SERPINI1: variants seen among roughly 807,000 people sequenced by gnomAD.
SERPINI1 encodes neuroserpin.
A neutral mutation model predicts 41.1 loss-of-function variants in SERPINI1; 19 were observed. The ratio of observed to expected loss-of-function variants is 0.46; its 90% CI spans 0.32 to 0.68. The LOEUF is 0.68. SERPINI1 is among the 30% of genes least tolerant of loss of function. The pLI is 0.03. For missense variants in SERPINI1, 460 were observed against 479.2 expected (o/e 0.96, Z 0.37); for synonymous variants, 138 against 156.6 (o/e 0.88, Z 0.89).
chr3:167,772,323 C>T (rs1375240194), intron 1 of SERPINI1, among the ~76,000 whole-genome samples: 1 of 152,084 alleles, frequency 6.6e-6, no homozygotes, highest in East Asian at 1.9e-4. Flanking sequence ...ATGTTATTAA[C>T]AATTCTCTAG....
At chr3:167,793,603 A>G (rs1452340526) in intron 4 of SERPINI1, among the ~76,000 whole-genome samples, 1 of 86,002 alleles carries the variant, frequency 1.2e-5, no homozygotes, top group Non-Finnish European at 2.3e-5. Flanking sequence ...TATATTTTTA[A>G]TTAGCTAGGC....
intron 1 of SERPINI1, among the ~76,000 whole-genome samples, chr3:167,767,271 C>T (rs1394939113): frequency 6.6e-6 from 1 of 152,196 alleles, no homozygotes; most frequent in South Asian, 2.1e-4. Context: ...AATGACAGCA[C>T]ATCTGTTTTG....
intron 1 of SERPINI1, among the ~76,000 whole-genome samples, chr3:167,782,701 T>C (rs974287941): frequency 3.9e-5 from 6 of 152,052 alleles, no homozygotes; most frequent in Non-Finnish European, 8.8e-5. Context: ...GAGATAAAAA[T>C]TTGCCAAGAT....
rs148954134 is a variant in SERPINI1, at chr3:167,774,651, T to C, written c.-18-14460T>C. ...TGTCAGACCAGCAGCAGCATTAGATTCTCATAGGAGCCTAAACCCTATTGT... is the reference window on the plus strand; with the variant it reads ...TGTCAGACCAGCAGCAGCATTAGATCCTCATAGGAGCCTAAACCCTATTGT... On this transcript the variant is annotated intron_variant, in intron 1 of 8. Coordinates refer to ENST00000446050, the MANE Select transcript of SERPINI1 (RefSeq NM_001122752.2). 3.3e-5 allele frequency among the ~76,000 whole-genome samples: 5 copies of C among 152,218 alleles called. No individual in the cohort carries two copies. In the East Asian group the frequency reaches 9.7e-4, roughly 29 times the overall value.
intron 1 of SERPINI1, among the ~76,000 whole-genome samples, chr3:167,769,585 C>T (rs1311644724): frequency 2.0e-5 from 3 of 152,088 alleles, no homozygotes; most frequent in East Asian, 1.9e-4. Context: ...CATAAAATCC[C>T]AGCCCTAAAG....
chr3:167,763,583 A>G (rs1014058591), intron 1 of SERPINI1, among the ~76,000 whole-genome samples: 2 of 152,152 alleles, frequency 1.3e-5, no homozygotes, highest in African/African-American at 2.4e-5. Flanking sequence ...CAGTTCCAAC[A>G]TGTTGCTCAG....
chr3:167,790,234 T>C (rs1577419022), intron 2 of SERPINI1, 138 bp from the exon 3 acceptor site: 1 of 676,500 alleles, frequency 1.5e-6, no homozygotes, highest in Non-Finnish European at 2.7e-6. Context: ...ACCATATCAA[T>C]GTGGGGGAAA....
In SERPINI1 at chr3:167,789,099, G is replaced by T; in HGVS notation, c.-18-12G>T. On this transcript the variant is annotated splice_polypyrimidine_tract_variant and intron_variant, in intron 1 of 8. Transcript: ENST00000446050. ...ATAACTAATAATTAATATGTAAATT[G>T]TTGTTTTTTAGGCTTGAAACTGTTA... The T allele has an allele frequency of 1.9e-6, 3 of 1,610,970 alleles. No individual in the cohort carries two copies. Among genetic ancestry groups the T allele is most frequent in the Admixed American group, 1.7e-5 (1 of 60,010 alleles).
intron 1 of SERPINI1, among the ~76,000 whole-genome samples, chr3:167,779,705 T>C (rs1727062351): frequency 6.6e-6 from 1 of 152,208 alleles, no homozygotes; most frequent in Admixed American, 6.5e-5. Flanking sequence ...TATATTACTC[T>C]GTCCATGGTT....
rs1219465514 is a variant in SERPINI1 at position 167,807,904 on chromosome 3, G to A, written c.979+563G>A. ...GGCTGAGGTGGGGGGATCACCTGAGGTCAGGAGTTTGAGACCAACCTGGTC... is the reference window on the plus strand; with the variant it reads ...GGCTGAGGTGGGGGGATCACCTGAGATCAGGAGTTTGAGACCAACCTGGTC... On this transcript the variant is annotated intron_variant, in intron 6 of 8. Transcript: ENST00000446050. 5.9e-5 allele frequency among the ~76,000 whole-genome samples: 9 copies of A among 152,034 alleles called. No individual in the cohort carries two copies. The East Asian group carries it at 1.7e-3, about 29-fold the overall frequency.
rs1433619416 is a variant in SERPINI1, at chr3:167,770,213, T to C, written c.-18-18898T>C. 3.9e-5 allele frequency among the ~76,000 whole-genome samples: 6 copies of C among 152,026 alleles called. No individual in the cohort carries two copies. The East Asian group carries it at 1.2e-3, about 29-fold the overall frequency. ...TATGAATATATGTTTTTAAAGTATA[T>C]GTTTAAAAAAGTTCATGATTTTTTC... On this transcript the variant is annotated intron_variant, in intron 1 of 8. Coordinates refer to ENST00000446050, the MANE Select transcript of SERPINI1 (RefSeq NM_001122752.2).
chr3:167,789,551 A>T (rs1727429262), intron 2 of SERPINI1, among the ~76,000 whole-genome samples, 173 bp downstream of exon 2: 1 of 152,228 alleles, frequency 6.6e-6, no homozygotes, highest in Non-Finnish European at 1.5e-5. Flanking sequence ...TCCTGATTCC[A>T]CTTCTGGCTG....
intron 6 of SERPINI1, among the ~76,000 whole-genome samples, chr3:167,817,647 G>T (rs146533111): frequency 6.6e-6 from 1 of 151,510 alleles, no homozygotes; most frequent in African/African-American, 2.4e-5. Flanking sequence ...GCCCAGGCTC[G>T]AGTGCAGTGG....
intron 7 of SERPINI1, among the ~76,000 whole-genome samples, chr3:167,823,554 G>T (rs1271440822): frequency 6.6e-6 from 1 of 151,982 alleles, no homozygotes; most frequent in African/African-American, 2.4e-5. Flanking sequence ...AATGACATCA[G>T]GGTAAATGGG....
chr3:167,803,810 A>G (rs184645592), intron 5 of SERPINI1, among the ~76,000 whole-genome samples: 2 of 152,262 alleles, frequency 1.3e-5, no homozygotes, highest in East Asian at 1.9e-4. Context: ...CTGCTATGCT[A>G]CTTATTAACT....
At chr3:167,817,331 A>G (rs936540540) in intron 6 of SERPINI1, among the ~76,000 whole-genome samples, 5 of 151,942 alleles carry the variant, frequency 3.3e-5, no homozygotes. Flanking sequence ...GGTTTTTTTC[A>G]TTTTTTACAG....
chr3:167,756,086 C>G (rs1238795095), intron 1 of SERPINI1, among the ~76,000 whole-genome samples: 2 of 151,708 alleles, frequency 1.3e-5, no homozygotes, highest in East Asian at 1.9e-4. Context: ...ATCCTGCCCA[C>G]GAATGATCAA....
chr3:167,817,305 C>G (rs1363079064), intron 6 of SERPINI1, among the ~76,000 whole-genome samples: 1 of 152,080 alleles, frequency 6.6e-6, no homozygotes, highest in African/African-American at 2.4e-5. Context: ...CTATGATTTT[C>G]TTTCTTATAT....
chr3:167,759,382 T>C (rs184675680), intron 1 of SERPINI1, among the ~76,000 whole-genome samples: 53 of 104,250 alleles, frequency 5.1e-4, no homozygotes, highest in Non-Finnish European at 8.8e-4. Context: ...TCCATCAACA[T>C]TGGATAAAGA....
Sources: gnomAD v4.1 joint callset for allele counts (sites outside exome capture counted in the v4.1 genomes callset) on GRCh38, gnomAD v4.1.1 for gene constraint, MANE v1.5 for transcripts, NCBI Gene and HGNC (gene_info 2026-07-23, HGNC 2026-07-21) for gene names.